Variants in YAF2 observed in about 807,000 individuals in gnomAD.
The protein encoded by YAF2 is YY1-associated factor 2.
YAF2 carries 7 observed loss-of-function variants against 20.1 expected under a neutral mutation model. The observed-to-expected ratio is 0.35, with a 90% CI of 0.20 to 0.65. YAF2 has a LOEUF of 0.65. Among genes scored for constraint, YAF2 ranks in the 30% least tolerant of loss-of-function variants. The pLI is 0.69. For missense variants in YAF2, 151 were observed against 219.2 expected, an observed-to-expected ratio of 0.69 and a Z score of 1.96; for synonymous variants, 74 against 76.0, an observed-to-expected ratio of 0.97 and a Z score of 0.14.
chr12:42,193,692 C>T (rs1025226002), intron 2 of YAF2, among the ~76,000 whole-genome samples: 6 of 152,066 alleles, frequency 3.9e-5, no homozygotes, highest in Admixed American at 3.3e-4. Flanking sequence ...TTTGTGGAGA[C>T]AGGGTTTTGC....
At chr12:42,193,558 C>CA (rs1408666576) in intron 2 of YAF2, among the ~76,000 whole-genome samples, 2 of 152,136 alleles carry the variant, frequency 1.3e-5, no homozygotes, top group African/African-American at 4.8e-5. Context: ...GGCTAGAATC[C>CA]AATGGTGTGA....
chr12:42,179,278 T>C (rs1289043932), intron 2 of YAF2, among the ~76,000 whole-genome samples: 1 of 152,218 alleles, frequency 6.6e-6, no homozygotes, highest in Non-Finnish European at 1.5e-5. Flanking sequence ...GAGATCAGCC[T>C]GGCCAACGTG....
intron 2 of YAF2, among the ~76,000 whole-genome samples, chr12:42,169,668 C>T (rs2065996366): frequency 6.6e-6 from 1 of 152,146 alleles, no homozygotes; most frequent in Non-Finnish European, 1.5e-5. Context: ...CTGCCTCAGC[C>T]TCCCAAAGTG....
chr12:42,233,162 T>C (rs1023390679), intron 2 of YAF2: 69 of 985,296 alleles, frequency 7.0e-5, no homozygotes, highest in Middle Eastern at 1.0e-3. Flanking sequence ...ATCATACTAG[T>C]GTAACATCTA....
intron 2 of YAF2, 187 bp downstream of exon 2, chr12:42,237,412 T>C (rs1389845312): frequency 4.6e-6 from 6 of 1,291,500 alleles, no homozygotes; most frequent in East Asian, 3.4e-5. Context: ...GCCTCTTCAA[T>C]TACCCCTCAC....
intron 2 of YAF2, among the ~76,000 whole-genome samples, chr12:42,178,900 C>T (rs1166158898): frequency 2.0e-5 from 3 of 151,906 alleles, no homozygotes; most frequent in African/African-American, 7.3e-5. Flanking sequence ...AAAAAAATAC[C>T]CCTTTAGCCA....
intron 2 of YAF2, chr12:42,231,574 CCTTAAAATCTGT>C (rs1339623582): frequency 2.0e-5 from 3 of 152,270 alleles, no homozygotes; most frequent in Non-Finnish European, 4.4e-5. Context: ...TTCAGTGTTC[CCTTAAAATCTGT>C]TGGTATTTTG....
chr12:42,220,645 C>G (rs2067485716), intron 2 of YAF2, among the ~76,000 whole-genome samples: 1 of 152,186 alleles, frequency 6.6e-6, no homozygotes, highest in Non-Finnish European at 1.5e-5. Context: ...AGCTACCTCC[C>G]TGGCATAAAA....
intron 2 of YAF2, among the ~76,000 whole-genome samples, chr12:42,205,376 C>T (rs1205404060): frequency 1.4e-5 from 2 of 146,818 alleles, no homozygotes; most frequent in African/African-American, 2.7e-5. Context: ...GCTGCTTCTT[C>T]TCTTTTTTTT....
intron 2 of YAF2, among the ~76,000 whole-genome samples, chr12:42,214,433 G>A (rs564285137): frequency 6.0e-4 from 91 of 152,054 alleles, no homozygotes; most frequent in Middle Eastern, 3.4e-3. Context: ...TACCATGCCC[G>A]GCTAATTTTT....
At chr12:42,206,412 C>A (rs1468084568) in intron 2 of YAF2, among the ~76,000 whole-genome samples, 1 of 151,690 alleles carries the variant, frequency 6.6e-6, no homozygotes, top group Non-Finnish European at 1.5e-5. Context: ...AGTTCGAGAC[C>A]AGCTTGGCCA....
chr12:42,161,610 T>C lies in YAF2; in HGVS notation c.305+3A>G, dbSNP rs894345794. 2 of 1,576,326 alleles carry C rather than the reference T, an allele frequency of 1.3e-6. No homozygotes were observed. The highest frequency in any genetic ancestry group is 1.7e-6 in the Non-Finnish European group (2 of 1,166,386). Reference sequence around the variant, plus strand: ...AATGTCATAAAACACTCTTCACATTTACCTGGTTTTCTTATGGCTATTCTT... The same window carrying C: ...AATGTCATAAAACACTCTTCACATTCACCTGGTTTTCTTATGGCTATTCTT... On this transcript the variant is annotated splice_donor_region_variant and intron_variant, in intron 3 of 3. Coordinates refer to ENST00000534854, the MANE Select transcript of YAF2 (RefSeq NM_005748.6).
At chr12:42,209,441 G>A (rs2067142090) in intron 2 of YAF2, among the ~76,000 whole-genome samples, 1 of 151,838 alleles carries the variant, frequency 6.6e-6, no homozygotes, top group Non-Finnish European at 1.5e-5. Context: ...GTGTGCAACT[G>A]TAGTCCCAGC....
intron 2 of YAF2, chr12:42,232,655 A>T (rs1029915511): frequency 1.7e-4 from 171 of 985,300 alleles, no homozygotes; most frequent in Non-Finnish European, 2.0e-4. Context: ...TTTTTCTCCC[A>T]TTCCTACACC....
chr12:42,166,043 C>T (rs1053099831), intron 2 of YAF2, among the ~76,000 whole-genome samples: 5 of 151,986 alleles, frequency 3.3e-5, no homozygotes, highest in Admixed American at 6.6e-5. Flanking sequence ...CTCAGCCTCC[C>T]GAGTAGCTGG....
rs989836634 is a variant in YAF2 at position 42,226,559 on chromosome 12, G to A, written c.152+11040C>T. ...CACCCCTGTAGTCCCAGCTACTTGG[G>A]AGGCTAAGGTGGGGGGACCACTTCA... On this transcript the variant is annotated intron_variant, in intron 2 of 3. Coordinates refer to ENST00000534854, the MANE Select transcript of YAF2 (RefSeq NM_005748.6). Among the ~76,000 whole-genome samples, 5 of 152,112 alleles carry A rather than the reference G, an allele frequency of 3.3e-5. 1 individual carries two copies. Among genetic ancestry groups the A allele is most frequent in the African/African-American group, 1.2e-4 (5 of 41,404 alleles).
At chr12:42,180,031 T>C (rs2066302921) in intron 2 of YAF2, among the ~76,000 whole-genome samples, 1 of 152,184 alleles carries the variant, frequency 6.6e-6, no homozygotes, top group Admixed American at 6.5e-5. Context: ...ACAAAGTATT[T>C]TTCCTAAGTT....
chr12:42,228,874 A>G (rs2067881087), intron 2 of YAF2, among the ~76,000 whole-genome samples: 1 of 66,708 alleles, frequency 1.5e-5, no homozygotes. Context: ...GGAAGTGAGG[A>G]GCCCCTCTGC....
intron 2 of YAF2, chr12:42,231,788 G>T (rs1412582543): frequency 6.6e-6 from 1 of 152,134 alleles, no homozygotes; most frequent in African/African-American, 2.4e-5. Context: ...AAAGCTCATT[G>T]TTGCTACAAA....
Sources: gnomAD v4.1 joint callset for allele counts (sites outside exome capture counted in the v4.1 genomes callset) on GRCh38, gnomAD v4.1.1 for gene constraint, MANE v1.5 for transcripts, NCBI Gene and HGNC (gene_info 2026-07-23, HGNC 2026-07-21) for gene names.